FRMD5: variants seen among roughly 807,000 people sequenced by gnomAD.
FRMD5 encodes the protein FERM domain containing 5.
A neutral mutation model predicts 69.0 loss-of-function variants in FRMD5; 20 were observed. That is an observed-to-expected ratio of 0.29 (90% confidence interval 0.20 to 0.42). FRMD5 has a LOEUF of 0.42. Ranked by LOEUF, FRMD5 falls within the 10% of genes least tolerant of loss-of-function variation. The pLI, the probability that FRMD5 is intolerant of heterozygous loss-of-function variation, is 1.00. For synonymous variants in FRMD5, 271 were observed against 260.1 expected, an observed-to-expected ratio of 1.04 and a Z score of -0.40; for missense variants, 595 against 708.6, an observed-to-expected ratio of 0.84 and a Z score of 1.82.
At chr15:43,920,939 C>T (rs748595169) in intron 2 of FRMD5, among the ~76,000 whole-genome samples, 1 of 152,240 alleles carries the variant, frequency 6.6e-6, no homozygotes, top group Non-Finnish European at 1.5e-5. Flanking sequence ...CTGGGCTGGG[C>T]CATGGGTCAT....
At chr15:44,091,716 A>G (rs1254935602) in intron 1 of FRMD5, among the ~76,000 whole-genome samples, 2 of 152,020 alleles carry the variant, frequency 1.3e-5, no homozygotes, top group Admixed American at 6.6e-5. Flanking sequence ...TTTTTCCACA[A>G]ACTTTTTTTT....
intron 1 of FRMD5, among the ~76,000 whole-genome samples, chr15:43,974,626 C>T (rs1035230377): frequency 3.3e-5 from 5 of 152,214 alleles, no homozygotes; most frequent in Non-Finnish European, 7.3e-5. Context: ...GTTCCTGACA[C>T]AGTGCTTGGC....
intron 1 of FRMD5, among the ~76,000 whole-genome samples, chr15:44,038,451 TG>T (rs1892022392): frequency 2.6e-5 from 4 of 151,848 alleles, no homozygotes; most frequent in Admixed American, 6.6e-5. Context: ...TAATCCATCT[TG>T]GGTTAATTTT....
chr15:44,182,963 ATT>A (rs550086770), intron 1 of FRMD5, among the ~76,000 whole-genome samples: 2 of 142,424 alleles, frequency 1.4e-5, no homozygotes, highest in Non-Finnish European at 3.1e-5. Flanking sequence ...GCCAGGCTAA[ATT>A]TTTTTTTTTT....
Position 44,193,439 on chromosome 15 carries a change from C to CA in FRMD5, c.102+1513dup, listed in dbSNP as rs902517740. Among the ~76,000 whole-genome samples the CA allele has an allele frequency of 2.7e-4, 40 of 148,862 alleles. No homozygotes were observed. In the South Asian group the frequency reaches 3.0e-3, roughly 11 times the overall value. ...TCATACCCCAGCAAAACAAAAAAAG[C>CA]AAAAAAAAACTGGACATGGCACAAT... On this transcript the variant is annotated intron_variant, in intron 1 of 13. Transcript: ENST00000417257.
intron 1 of FRMD5, among the ~76,000 whole-genome samples, chr15:43,932,356 G>A (rs1297508073): frequency 6.6e-6 from 1 of 152,178 alleles, no homozygotes; most frequent in East Asian, 1.9e-4. Context: ...GGCTCTTAAA[G>A]TACAAATCTG....
At chr15:44,109,783 T>C (rs1029220941) in intron 1 of FRMD5, among the ~76,000 whole-genome samples, 2 of 152,226 alleles carry the variant, frequency 1.3e-5, no homozygotes, top group African/African-American at 2.4e-5. Context: ...TTTACTGCCC[T>C]AAAAATCCTC....
chr15:43,924,326 C>T lies in FRMD5; in HGVS notation c.103-17G>A, dbSNP rs370618779. ...GGCATCTCTCTGCAAAGAAAGAAAA[C>T]TCCATTGAGAAATGAGTGGGTTTCT... On this transcript the variant is annotated splice_polypyrimidine_tract_variant and intron_variant, in intron 1 of 13. Coordinates refer to ENST00000417257, the MANE Select transcript of FRMD5 (RefSeq NM_032892.5). 302 of 1,589,444 alleles carry T rather than the reference C, an allele frequency of 1.9e-4. No individual in the cohort carries two copies. Among genetic ancestry groups the T allele is most frequent in the Non-Finnish European group, 2.5e-4 (290 of 1,159,658 alleles).
intron 11 of FRMD5, chr15:43,885,022 C>T (rs2088629769): frequency 8.4e-6 from 4 of 476,956 alleles, no homozygotes; most frequent in Non-Finnish European, 1.5e-5. Flanking sequence ...TCTTTAGGAT[C>T]TTCCATTCTC....
chr15:43,888,926 C>T (rs1267290099), intron 8 of FRMD5, 54 bp from the exon 9 acceptor site: 29 of 1,510,790 alleles, frequency 1.9e-5, no homozygotes, highest in Non-Finnish European at 2.6e-5. Flanking sequence ...TTGTTCACAG[C>T]TAAATCTTGT....
At chr15:44,140,212 A>C (rs978587874) in intron 1 of FRMD5, among the ~76,000 whole-genome samples, 4 of 152,166 alleles carry the variant, frequency 2.6e-5, no homozygotes, top group Non-Finnish European at 5.9e-5. Flanking sequence ...AATTTCTAAG[A>C]ATAATATACT....
intron 1 of FRMD5, among the ~76,000 whole-genome samples, chr15:44,155,412 C>T (rs2077511429): frequency 6.6e-6 from 1 of 151,726 alleles, no homozygotes; most frequent in Non-Finnish European, 1.5e-5. Flanking sequence ...AGCCTGGTGA[C>T]AGAGCGAGAC....
At position 43,871,481 on chromosome 15, in the gene FRMD5, C is replaced by T. The variant is rs2088159438; in HGVS notation, c.*2404G>A. The T allele has an allele frequency of 6.6e-6, 1 of 152,216 alleles. No individual in the cohort carries two copies. The highest frequency in any genetic ancestry group is 1.5e-5 in the Non-Finnish European group (1 of 68,038). 9.4% of individuals were successfully genotyped at this position (152,216 alleles called of 1,614,324 possible). A position where few individuals can be genotyped will look rare whatever the true frequency, so the allele number is the denominator to read the frequency against. ...GAGCACTACACTAAAAGGTAATCTT[C>T]TATGTTGCATAAGACAGTAGATACC... is the stretch of plus-strand genomic sequence containing the variant. On this transcript the variant is annotated 3_prime_UTR_variant, in exon 14 of 14. Transcript: ENST00000417257.
intron 4 of FRMD5, chr15:43,917,914 G>C (rs1005754665): frequency 5.3e-5 from 8 of 152,302 alleles, no homozygotes; most frequent in Admixed American, 2.0e-4. Flanking sequence ...GCTGCCCTAT[G>C]CATCTGCAGG....
At chr15:44,182,593 T>C (rs2078025246) in intron 1 of FRMD5, among the ~76,000 whole-genome samples, 1 of 152,142 alleles carries the variant, frequency 6.6e-6, no homozygotes, top group East Asian at 1.9e-4. Context: ...CCCAAAGTGC[T>C]GGGATTACAG....
intron 1 of FRMD5, among the ~76,000 whole-genome samples, chr15:44,172,094 CTTT>C (rs35080273): frequency 2.8e-5 from 4 of 140,512 alleles, no homozygotes; most frequent in Admixed American, 7.2e-5. Context: ...TATCACTACA[CTTT>C]TTTTTTTTTT....
chr15:43,916,684 A>G (rs756615594), intron 4 of FRMD5, among the ~76,000 whole-genome samples: 12 of 152,192 alleles, frequency 7.9e-5, no homozygotes, highest in Non-Finnish European at 1.3e-4. Context: ...AACAAGTAAC[A>G]TAAGTAAGAT....
At chr15:44,013,955 C>G (rs1356494609) in intron 1 of FRMD5, among the ~76,000 whole-genome samples, 1 of 149,608 alleles carries the variant, frequency 6.7e-6, no homozygotes, top group African/African-American at 2.5e-5. Context: ...CCCCTGGGTT[C>G]ACACCATTCT....
chr15:43,924,340 G>A, intron 1 of FRMD5, 31 bp from the exon 2 acceptor site: 1 of 1,509,208 alleles, frequency 6.6e-7, no homozygotes, highest in Non-Finnish European at 9.2e-7. Context: ...ATTGAGAAAT[G>A]AGTGGGTTTC....
Sources: allele counts gnomAD v4.1 joint callset (sites outside exome capture counted in the v4.1 genomes callset), GRCh38; gene constraint gnomAD v4.1.1; transcripts MANE v1.5; gene names NCBI Gene and HGNC (gene_info 2026-07-23, HGNC 2026-07-21).